Variants in ETNK1 observed in about 807,000 individuals in gnomAD.
ETNK1 encodes ethanolamine kinase 1, also known as putative protein product of Nbla10396.
A neutral mutation model predicts 45.1 loss-of-function variants in ETNK1; 8 were observed. The observed-to-expected ratio is 0.18, with a 90% CI of 0.10 to 0.32. ETNK1 has a LOEUF of 0.32. Ranked by LOEUF, ETNK1 falls within the 10% of genes least tolerant of loss-of-function variation. ETNK1 has a pLI of 1.00. For missense variants in ETNK1, 302 were observed against 430.6 expected, an observed-to-expected ratio of 0.70 and a Z score of 2.64; for synonymous variants, 152 against 151.9, an observed-to-expected ratio of 1.00 and a Z score of -0.01.
intron 4 of ETNK1, among the ~76,000 whole-genome samples, chr12:22,662,542 A>C (rs1015081501): frequency 6.6e-6 from 1 of 151,956 alleles, no homozygotes; most frequent in African/African-American, 2.4e-5. Flanking sequence ...CTACAGGTAC[A>C]TGCCATCATA....
intron 2 of ETNK1, chr12:22,656,478 A>G (rs1953942126): frequency 1.0e-6 from 1 of 985,172 alleles, no homozygotes; most frequent in Admixed American, 6.2e-5. Context: ...TGTTTGGAAA[A>G]CATTTCCAAA....
At chr12:22,672,956 T>C (rs543584584) in intron 5 of ETNK1, among the ~76,000 whole-genome samples, 29 of 152,314 alleles carry the variant, frequency 1.9e-4, no homozygotes, top group African/African-American at 6.7e-4. Context: ...GAAAATGTTG[T>C]TGGGATAAAT....
chr12:22,685,063 C>G lies in ETNK1; in HGVS notation c.*109C>G. 1.4e-6 allele frequency: 1 copy of G among 739,042 alleles called. No individual in the cohort carries two copies. The highest frequency in any genetic ancestry group is 3.2e-4 in the Middle Eastern group (1 of 3,090). The allele number at this position is 739,042 out of a possible 1,614,324, so 45.8% of individuals were successfully genotyped here. A position where few individuals can be genotyped will look rare whatever the true frequency, so the allele number is the denominator to read the frequency against. On this transcript the variant is annotated 3_prime_UTR_variant, in exon 8 of 8. Transcript: ENST00000266517. Reference sequence around the variant, plus strand: ...AAATTCTGTTGTTTAATTTGGTTATCTTGCTTTATAAATTATGCCTCTAAA... The same window carrying G: ...AAATTCTGTTGTTTAATTTGGTTATGTTGCTTTATAAATTATGCCTCTAAA...
At chr12:22,651,237 T>G (rs1953870954) in intron 2 of ETNK1, among the ~76,000 whole-genome samples, 1 of 152,222 alleles carries the variant, frequency 6.6e-6, no homozygotes, top group Admixed American at 6.5e-5. Flanking sequence ...TGGCCCCACT[T>G]TAATCTTTTA....
chr12:22,625,604 G>T lies in ETNK1; in HGVS notation c.156+18G>T. 1 of 1,560,200 alleles carries T rather than the reference G, an allele frequency of 6.4e-7. No homozygotes were observed. Among genetic ancestry groups the T allele is most frequent in the South Asian group, 1.2e-5 (1 of 85,480 alleles). ...CCCTGCAGGTAACGCCCACACCTCA[G>T]CTCTGGGTCTCTTATGCCCCTCACG... On this transcript the variant is annotated intron_variant, in intron 1 of 7. Coordinates refer to ENST00000266517, the MANE Select transcript of ETNK1 (RefSeq NM_018638.5).
intron 1 of ETNK1, among the ~76,000 whole-genome samples, chr12:22,635,755 T>C (rs1592112610): frequency 6.6e-6 from 1 of 152,170 alleles, no homozygotes; most frequent in East Asian, 1.9e-4. Flanking sequence ...TTTTATTTGG[T>C]GTGTGTGTTA....
At chr12:22,660,748 A>T (rs1033377502) in intron 3 of ETNK1, among the ~76,000 whole-genome samples, 1 of 152,134 alleles carries the variant, frequency 6.6e-6, no homozygotes, top group Non-Finnish European at 1.5e-5. Context: ...ATTGACATAA[A>T]TGTAAATTAC....
chr12:22,655,519 T>C (rs1354923875), intron 2 of ETNK1, among the ~76,000 whole-genome samples: 1 of 151,850 alleles, frequency 6.6e-6, no homozygotes, highest in African/African-American at 2.4e-5. Flanking sequence ...GTACTTTTAG[T>C]AGAGACAGGG....
intron 1 of ETNK1, among the ~76,000 whole-genome samples, chr12:22,626,502 AT>A (rs1221473380): frequency 6.6e-6 from 1 of 152,216 alleles, no homozygotes; most frequent in African/African-American, 2.4e-5. Flanking sequence ...AAGAACATTC[AT>A]TTGAATTAGC....
In ETNK1 at chr12:22,689,333, A is replaced by G. The variant is rs1182638833; in HGVS notation, c.*4379A>G. On this transcript the variant is annotated 3_prime_UTR_variant, in exon 8 of 8. Transcript: ENST00000266517. ...TCTCCTGAAATTTTCTTTCTCTTCT[A>G]TACTTTATGCACTTACTATACTACT... 6.6e-6 allele frequency: 1 copy of G among 151,924 alleles called. No homozygotes were observed. Among genetic ancestry groups the G allele is most frequent in the Admixed American group, 6.6e-5 (1 of 15,248 alleles). The allele number at this position is 151,924 out of a possible 1,614,324, so 9.4% of individuals were successfully genotyped here. A position where few individuals can be genotyped will look rare whatever the true frequency, so the allele number is the denominator to read the frequency against.
At chr12:22,667,087 A>C (rs1954060234) in intron 4 of ETNK1, among the ~76,000 whole-genome samples, 1 of 152,202 alleles carries the variant, frequency 6.6e-6, no homozygotes, top group Admixed American at 6.5e-5. Flanking sequence ...GTTAGCAGAA[A>C]ATAAAATATC....
chr12:22,676,084 T>C (rs1042941987), intron 6 of ETNK1, among the ~76,000 whole-genome samples: 21 of 152,212 alleles, frequency 1.4e-4, no homozygotes, highest in African/African-American at 5.1e-4. Context: ...TAGGTATACA[T>C]GTGCCATGGT....
chr12:22,650,245 GTT>G (rs1013929878), intron 2 of ETNK1, among the ~76,000 whole-genome samples: 1 of 144,458 alleles, frequency 6.9e-6, no homozygotes, highest in Non-Finnish European at 1.5e-5. Context: ...AACAAAGACA[GTT>G]TTTTTTTTTT....
At chr12:22,654,743 AATTGT>A (rs1180237599) in intron 2 of ETNK1, among the ~76,000 whole-genome samples, 1 of 152,078 alleles carries the variant, frequency 6.6e-6, no homozygotes, top group Admixed American at 6.5e-5. Flanking sequence ...TTCTATTTTG[AATTGT>A]ATAGGAAGAT....
intron 1 of ETNK1, among the ~76,000 whole-genome samples, chr12:22,639,433 T>C (rs1953703980): frequency 1.3e-5 from 2 of 152,072 alleles, no homozygotes; most frequent in Admixed American, 1.3e-4. Flanking sequence ...TCCTAGCACT[T>C]TGGGAGGCCG....
intron 2 of ETNK1, among the ~76,000 whole-genome samples, chr12:22,657,372 G>A (rs1448313647): frequency 6.6e-6 from 1 of 152,094 alleles, no homozygotes; most frequent in Non-Finnish European, 1.5e-5. Flanking sequence ...ATGATAATTT[G>A]ACAATTTACA....
chr12:22,647,059 A>G (rs1283945743), intron 2 of ETNK1, among the ~76,000 whole-genome samples: 2 of 151,880 alleles, frequency 1.3e-5, no homozygotes, highest in Non-Finnish European at 2.9e-5. Flanking sequence ...AATGAGCTAT[A>G]GTGCCTGACG....
Position 22,643,306 on chromosome 12 carries a change from C to A in ETNK1, c.157-457C>A, listed in dbSNP as rs781115733. On this transcript the variant is annotated intron_variant, in intron 1 of 7. Transcript: ENST00000266517. The stretch of plus-strand genomic sequence containing the variant: ...GTTAAGGACTTCTATAAGTAATGAA[C>A]CATACTAGGAATAGGGCAGTGTTCC... 1.9e-4 allele frequency among the ~76,000 whole-genome samples: 29 copies of A among 151,966 alleles called. 1 individual carries two copies. The highest frequency in any genetic ancestry group is 3.1e-4 in the Non-Finnish European group (21 of 67,900).
chr12:22,665,828 A>G (rs947065929), intron 4 of ETNK1, among the ~76,000 whole-genome samples: 3 of 152,144 alleles, frequency 2.0e-5, no homozygotes, highest in Non-Finnish European at 2.9e-5. Flanking sequence ...GTTAAGTCCT[A>G]TAACTACTAG....
Sources: allele counts gnomAD v4.1 joint callset (sites outside exome capture counted in the v4.1 genomes callset), GRCh38; gene constraint gnomAD v4.1.1; transcripts MANE v1.5; gene names NCBI Gene and HGNC (gene_info 2026-07-23, HGNC 2026-07-21).